Variants in UBE2D3 observed in about 807,000 individuals in gnomAD.
UBE2D3 encodes the protein ubiquitin-conjugating enzyme E2 D3.
In UBE2D3, 2 loss-of-function variants were observed where a neutral mutation model predicts 22.8. The ratio of observed to expected loss-of-function variants is 0.09; its 90% CI spans 0.04 to 0.28. UBE2D3 has a LOEUF of 0.28. Ranked by LOEUF, UBE2D3 falls within the 10% of genes least tolerant of loss-of-function variation. UBE2D3 has a pLI of 1.00. For synonymous variants in UBE2D3, 56 were observed against 60.4 expected, an observed-to-expected ratio of 0.93 and a Z score of 0.34; for missense variants, 27 against 182.5, an observed-to-expected ratio of 0.15 and a Z score of 4.91.
chr4:102,810,834 C>A (rs554521679), intron 2 of UBE2D3: 11 of 151,702 alleles, frequency 7.3e-5, no homozygotes, highest in Admixed American at 2.6e-4. Context: ...AATGATATAA[C>A]CAATGTCTAA....
chr4:102,868,072 C>CTTTTTTTTTTT (rs11418599), intron 1 of UBE2D3, among the ~76,000 whole-genome samples: 6 of 115,278 alleles, frequency 5.2e-5, no homozygotes, highest in African/African-American at 7.1e-5. Context: ...GCTTTAGATT[C>CTTTTTTTTTTT]TTTTTTTTTT....
upstream of UBE2D3, chr4:102,828,163 A>G: frequency 1.1e-5 from 11 of 985,454 alleles, no homozygotes; most frequent in Non-Finnish European, 1.3e-5. Flanking sequence ...TGGTTGGTAG[A>G]GGAAATGGAA....
intron 1 of UBE2D3, among the ~76,000 whole-genome samples, chr4:102,846,963 G>C (rs1732068470): frequency 6.6e-6 from 1 of 152,064 alleles, no homozygotes; most frequent in Non-Finnish European, 1.5e-5. Context: ...AAATTCTGAG[G>C]AGAGCATGTA....
At chr4:102,799,256 G>T in intron 7 of UBE2D3, 151 bp downstream of exon 7, 1 of 699,176 alleles carries the variant, frequency 1.4e-6, no homozygotes, top group East Asian at 2.7e-5. Context: ...GCCTAGTTAA[G>T]TTTTTTTAAA....
rs1169941267 is a variant in UBE2D3, at chr4:102,827,504, G to A, written c.-206C>T. On this transcript the variant is annotated 5_prime_UTR_variant, in exon 1 of 8. Coordinates refer to ENST00000453744, the MANE Select transcript of UBE2D3 (RefSeq NM_181891.3). ...CAGCTGGTGCCTCCCCGGCCCTACG[G>A]GGCTCACGCGCACGACACAGCCACA... is the stretch of plus-strand genomic sequence containing the variant. 10 of 986,170 alleles carry A rather than the reference G, an allele frequency of 1.0e-5. No homozygotes were observed. Among genetic ancestry groups the A allele is most frequent in the African/African-American group, 3.5e-5 (2 of 57,362 alleles). The allele number at this position is 986,170 out of a possible 1,614,324, so 61.1% of individuals were successfully genotyped here.
At position 102,860,902 on chromosome 4, in the gene UBE2D3, T is replaced by G. The variant is rs368696005; in HGVS notation, c.-129+7813A>C. Among the ~76,000 whole-genome samples the G allele has an allele frequency of 2.6e-5, 4 of 151,840 alleles. No homozygotes were observed. The East Asian group carries it at 7.7e-4, about 29-fold the overall frequency. The stretch of plus-strand genomic sequence containing the variant: ...CAGGTGAAGTGTCCTGTAGGGCTCA[T>G]GGGTGAGCCTATGGTGGAGTCTGCA... On this transcript the variant is annotated intron_variant, in intron 1 of 7. Transcript: ENST00000338145.
At chr4:102,807,763 C>A (rs781606368) in intron 4 of UBE2D3, among the ~76,000 whole-genome samples, 13 of 152,172 alleles carry the variant, frequency 8.5e-5, no homozygotes, top group Non-Finnish European at 1.3e-4. Context: ...GAATAAGCAA[C>A]ACCATTCTCT....
intron 1 of UBE2D3, among the ~76,000 whole-genome samples, chr4:102,868,072 C>CTTTTTTTTTTTTTTTT (rs11418599): frequency 7.8e-5 from 9 of 115,250 alleles, no homozygotes; most frequent in African/African-American, 3.2e-4. Flanking sequence ...GCTTTAGATT[C>CTTTTTTTTTTTTTTTT]TTTTTTTTTT....
At chr4:102,818,001 G>A (rs1264859922) in intron 2 of UBE2D3, among the ~76,000 whole-genome samples, 1 of 152,174 alleles carries the variant, frequency 6.6e-6, no homozygotes, top group Non-Finnish European at 1.5e-5. Context: ...CAGTCTAGAG[G>A]AAGAGGAACA....
intron 1 of UBE2D3, among the ~76,000 whole-genome samples, chr4:102,851,095 A>G (rs223357): frequency 0.54 from 82,765 of 152,078 alleles, 23,118 homozygotes; most frequent in African/African-American, 0.68. Flanking sequence ...AAAAATTTAA[A>G]AATACATAAA....
At chr4:102,848,533 T>A (rs1732164133) in intron 1 of UBE2D3, among the ~76,000 whole-genome samples, 1 of 151,952 alleles carries the variant, frequency 6.6e-6, no homozygotes, top group South Asian at 2.1e-4. Context: ...TTATCCCAGT[T>A]ACTGGGGAGG....
chr4:102,804,981 G>A (rs1299636953), intron 4 of UBE2D3, among the ~76,000 whole-genome samples: 4 of 152,010 alleles, frequency 2.6e-5, no homozygotes, highest in African/African-American at 7.3e-5. Context: ...CACCATGCCC[G>A]GCCCCAAACA....
At position 102,795,703 on chromosome 4, in the gene UBE2D3, AAAGT is replaced by A. The variant is rs972104558; in HGVS notation, c.*1708_*1711del. ...AAACTACATATTAAAATGTTTATAA[AAAGT>A]AAGTTTTAACATTTATTTCTAGCTT... On this transcript the variant is annotated 3_prime_UTR_variant, in exon 8 of 8. Coordinates refer to ENST00000453744, the MANE Select transcript of UBE2D3 (RefSeq NM_181891.3). 5 of 152,228 alleles carry A rather than the reference AAAGT, an allele frequency of 3.3e-5. No homozygotes were observed. Among genetic ancestry groups the A allele is most frequent in the Admixed American group, 6.5e-5 (1 of 15,286 alleles). The allele number at this position is 152,228 out of a possible 1,614,324, so 9.4% of individuals were successfully genotyped here. A position where few individuals can be genotyped will look rare whatever the true frequency, so the allele number is the denominator to read the frequency against.
upstream of UBE2D3, among the ~76,000 whole-genome samples, chr4:102,831,586 G>T (rs1211522637): frequency 3.3e-5 from 5 of 152,104 alleles, no homozygotes; most frequent in Admixed American, 3.3e-4. Flanking sequence ...AAGGAACAAA[G>T]TACTAATACA....
chr4:102,815,541 T>C (rs1190622051), intron 2 of UBE2D3, among the ~76,000 whole-genome samples: 1 of 152,186 alleles, frequency 6.6e-6, no homozygotes, highest in Non-Finnish European at 1.5e-5. Context: ...AGTAAGAAAG[T>C]ATTTCTTATA....
At chr4:102,826,813 A>G in intron 1 of UBE2D3, 177 bp from the exon 2 acceptor site, 1 of 1,204,370 alleles carries the variant, frequency 8.3e-7, no homozygotes, top group South Asian at 2.4e-5. Flanking sequence ...GGAAGAGCGG[A>G]GGTGGTGGCT....
chr4:102,826,828 G>C, intron 1 of UBE2D3, 192 bp from the exon 2 acceptor site: 2 of 1,180,682 alleles, frequency 1.7e-6, no homozygotes, highest in South Asian at 5.1e-5. Context: ...GTGGCTACAA[G>C]TTTAACTTCC....
chr4:102,797,338 T>C lies in UBE2D3; in HGVS notation c.*77A>G. 1.5e-6 allele frequency: 2 copies of C among 1,309,072 alleles called. No individual in the cohort carries two copies. The highest frequency in any genetic ancestry group is 2.1e-6 in the Non-Finnish European group (2 of 935,566). 81.1% of individuals were successfully genotyped at this position (1,309,072 alleles called of 1,614,324 possible). A position where few individuals can be genotyped will look rare whatever the true frequency, so the allele number is the denominator to read the frequency against. ...GAGGTCTGATAGGGGAGCAGCCGGA[T>C]AAGAAAATCAAAAAAGGAACAGTAA... On this transcript the variant is annotated 3_prime_UTR_variant, in exon 8 of 8. Transcript: ENST00000453744.
rs766276799 is a variant in UBE2D3, at chr4:102,802,533, C to T, written c.198+28G>A. The T allele has an allele frequency of 4.5e-6, 7 of 1,555,120 alleles. No individual in the cohort carries two copies. In the African/African-American group the frequency reaches 5.5e-5, roughly 12 times the overall value. On this transcript the variant is annotated intron_variant, in intron 5 of 7. Coordinates refer to ENST00000453744, the MANE Select transcript of UBE2D3 (RefSeq NM_181891.3). ...CTTTGAAATAAAGCATAAATCTATA[C>T]TAACAGATTTTGAGGGAAAATACTT...
Sources: gnomAD v4.1 joint callset for allele counts (sites outside exome capture counted in the v4.1 genomes callset) on GRCh38, gnomAD v4.1.1 for gene constraint, MANE v1.5 for transcripts, NCBI Gene and HGNC (gene_info 2026-07-23, HGNC 2026-07-21) for gene names.